SLC6A5: variants seen among roughly 807,000 people sequenced by gnomAD.
SLC6A5 encodes solute carrier family 6 member 5.
Under a neutral mutation model 90.5 loss-of-function variants are expected in SLC6A5, and 58 were observed. The observed-to-expected ratio is 0.64, with a 90% CI of 0.52 to 0.80. The LOEUF (loss-of-function observed/expected upper bound fraction) is 0.80. Ranked by LOEUF, SLC6A5 falls within the 30% of genes least tolerant of loss-of-function variation. The probability of loss-of-function intolerance (pLI) is 0.00; values close to 1 mark genes in which losing one functional copy is unlikely to be tolerated. For synonymous variants in SLC6A5, 427 were observed against 401.4 expected (o/e 1.06, Z -0.76); for missense variants, 1,015 against 1,017.6 (o/e 1.00, Z 0.03).
At position 20,628,098 on chromosome 11, in the gene SLC6A5, T is replaced by C. The variant is rs80286799; in HGVS notation, c.1499+15T>C. On this transcript the variant is annotated intron_variant, in intron 9 of 15. Transcript: ENST00000525748. ...AACTGCTACAGGTATGTAGAGGTAC[T>C]ACAAGATCTGGGCATAGCTGGTGAG... The C allele has an allele frequency of 0.13, 200,028 of 1,592,040 alleles. 13,950 individuals carry two copies. Among genetic ancestry groups the C allele is most frequent in the South Asian group, 0.16 (14,092 of 90,626 alleles).
At chr11:20,604,197 G>A (rs1351238441) in intron 2 of SLC6A5, 89 bp from the exon 3 acceptor site, 19 of 1,492,596 alleles carry the variant, frequency 1.3e-5, no homozygotes, top group Non-Finnish European at 1.6e-5. Flanking sequence ...TGCTTGCTGG[G>A]AAGGACCCCT....
rs1852535468 is a variant in SLC6A5 at position 20,604,343 on chromosome 11, T to A, written c.598T>A (p.Phe200Ile). 1.2e-6 allele frequency: 2 copies of A among 1,614,106 alleles called. No individual in the cohort carries two copies. Among genetic ancestry groups the A allele is most frequent in the Non-Finnish European group, 8.5e-7 (1 of 1,179,948 alleles). ...AGGGAACTGGTCCAGCAAACTGGAC[T>A]TCATCCTGTCCATGGTGGGGTACGC... ...ARGNWSSKLD[F>I]ILSMVGYAVG... The change falls in exon 3 of 16, where the codon TTC becomes ATC. Residue 200 changes from phenylalanine to isoleucine, a missense_variant. By Grantham distance (21) the Phe-to-Ile change is conservative. Coordinates refer to ENST00000525748, the MANE Select transcript of SLC6A5 (RefSeq NM_004211.5).
chr11:20,613,435 TGTA>T (rs1852729313), intron 5 of SLC6A5, among the ~76,000 whole-genome samples: 1 of 152,190 alleles, frequency 6.6e-6, no homozygotes, highest in Admixed American at 6.5e-5. Flanking sequence ...AGAGAGGCAT[TGTA>T]AAATGGTCAG....
At chr11:20,645,351 C>T (rs1853392403) in intron 13 of SLC6A5, among the ~76,000 whole-genome samples, 1 of 151,914 alleles carries the variant, frequency 6.6e-6, no homozygotes, top group Admixed American at 6.6e-5. Context: ...AGGTGGTGTC[C>T]AGGGAGATGA....
chr11:20,618,993 C>T (rs541795588), intron 7 of SLC6A5, among the ~76,000 whole-genome samples: 4 of 145,852 alleles, frequency 2.7e-5, no homozygotes, highest in South Asian at 4.4e-4. Flanking sequence ...GAAAAACCTA[C>T]TGAAGAGTTA....
At chr11:20,654,368 C>CT (rs142295454) in intron 15 of SLC6A5, among the ~76,000 whole-genome samples, 30,690 of 152,158 alleles carry the variant, frequency 0.2, 4,003 homozygotes, top group Non-Finnish European at 0.29. Context: ...AAGAGAGAAG[C>CT]TTGTGGATTC....
chr11:20,617,843 G>A lies in SLC6A5; in HGVS notation c.1219G>A (p.Val407Met), dbSNP rs1191773527. ...ALCLFLAWVIVYASLAKGIKT... is the reference protein window; with the variant it reads ...ALCLFLAWVIMYASLAKGIKT... Reference sequence around the variant, plus strand: ...CTGCCTCTTCCTGGCTTGGGTCATTGTGTATGCATCATTGGCTAAAGGAAT... The same window carrying A: ...CTGCCTCTTCCTGGCTTGGGTCATTATGTATGCATCATTGGCTAAAGGAAT... The change falls in exon 7 of 16, where the codon GTG becomes ATG. Residue 407 changes from valine to methionine, a missense_variant. Coordinates refer to ENST00000525748, the MANE Select transcript of SLC6A5 (RefSeq NM_004211.5). The A allele has an allele frequency of 6.2e-7, 1 of 1,614,054 alleles. No individual in the cohort carries two copies. Among genetic ancestry groups the A allele is most frequent in the Non-Finnish European group, 8.5e-7 (1 of 1,179,928 alleles).
At chr11:20,642,796 A>G (rs1220567473) in intron 13 of SLC6A5, among the ~76,000 whole-genome samples, 1 of 152,210 alleles carries the variant, frequency 6.6e-6, no homozygotes, top group East Asian at 1.9e-4. Context: ...GCTGGGAGTG[A>G]GGCAGAGGCT....
Position 20,652,401 on chromosome 11 carries a change from G to GT in SLC6A5, c.2183_2184insT (p.Trp728CysfsTer19). The GT allele has an allele frequency of 6.2e-7, 1 of 1,614,038 alleles. No homozygotes were observed. Among genetic ancestry groups the GT allele is most frequent in the East Asian group, 2.2e-5 (1 of 44,872 alleles). Reference sequence around the variant, plus strand: ...CTAATGCTCGCCTGTTCCGTCATCTGGATCCCAATTATGTTTGTGATAAAA... The same window carrying GT: ...CTAATGCTCGCCTGTTCCGTCATCTGTGATCCCAATTATGTTTGTGATAAAA... On this transcript the variant is annotated frameshift_variant, in exon 15 of 16. Transcript: ENST00000525748. LOFTEE classifies it high-confidence loss of function.
chr11:20,614,098 C>G (rs922169614), intron 5 of SLC6A5, among the ~76,000 whole-genome samples: 1 of 152,192 alleles, frequency 6.6e-6, no homozygotes, highest in African/African-American at 2.4e-5. Flanking sequence ...GTACACAGCA[C>G]GTGTATCCTA....
chr11:20,641,433 T>C (rs762022032), intron 13 of SLC6A5, among the ~76,000 whole-genome samples: 45 of 152,170 alleles, frequency 3.0e-4, no homozygotes, highest in Non-Finnish European at 2.4e-4. Flanking sequence ...TGATGGACTA[T>C]CTGTTTTCAG....
At chr11:20,638,856 A>C (rs573651442) in intron 13 of SLC6A5, among the ~76,000 whole-genome samples, 5 of 152,288 alleles carry the variant, frequency 3.3e-5, no homozygotes, top group Non-Finnish European at 5.9e-5. Context: ...ATGCTTTTGA[A>C]CAATGGCCAG....
At chr11:20,648,966 A>G (rs1853474025) in intron 14 of SLC6A5, among the ~76,000 whole-genome samples, 1 of 152,156 alleles carries the variant, frequency 6.6e-6, no homozygotes, top group African/African-American at 2.4e-5. Context: ...GCCCCAGGCC[A>G]CTAGATTTGG....
chr11:20,636,370 G>C lies in SLC6A5; in HGVS notation c.1688G>C (p.Trp563Ser). The change falls in exon 11 of 16, where the codon TGG becomes TCG. Residue 563 changes from tryptophan to serine, a missense_variant. Around this residue, in one of 3 missense-constraint regions of SLC6A5, gnomAD observed 442 missense variants for 494.3 expected, o/e 0.89. Transcript: ENST00000525748. ...ALTRLPLSPF[W>S]AIIFFLMLLT... Reference sequence around the variant, plus strand: ...ACCAGGCTGCCTCTCTCTCCGTTCTGGGCCATCATCTTTTTCCTGATGCTC... The same window carrying C: ...ACCAGGCTGCCTCTCTCTCCGTTCTCGGCCATCATCTTTTTCCTGATGCTC... The C allele has an allele frequency of 6.2e-7, 1 of 1,613,924 alleles. No individual in the cohort carries two copies. The highest frequency in any genetic ancestry group is 1.3e-5 in the African/African-American group (1 of 75,020).
intron 7 of SLC6A5, among the ~76,000 whole-genome samples, chr11:20,624,761 A>T (rs1291464549): frequency 1.3e-5 from 2 of 152,184 alleles, no homozygotes; most frequent in Non-Finnish European, 2.9e-5. Context: ...CAGCCTCTCA[A>T]GTGTCTTTTA....
At chr11:20,648,851 C>T (rs1179898199) in intron 14 of SLC6A5, among the ~76,000 whole-genome samples, 1 of 152,174 alleles carries the variant, frequency 6.6e-6, no homozygotes, top group African/African-American at 2.4e-5. Context: ...GAGGCAGGCA[C>T]TTCATAAGCA....
intron 7 of SLC6A5, among the ~76,000 whole-genome samples, chr11:20,618,319 G>A (rs1026499709): frequency 1.3e-5 from 2 of 152,132 alleles, no homozygotes; most frequent in African/African-American, 2.4e-5. Context: ...GATCAAAACT[G>A]TGTAGTAGAT....
At chr11:20,646,487 C>T (rs763669242) in intron 13 of SLC6A5, among the ~76,000 whole-genome samples, 9 of 152,202 alleles carry the variant, frequency 5.9e-5, no homozygotes, top group Non-Finnish European at 1.0e-4. Context: ...AGAGTTGTCA[C>T]TAAGCACCTC....
At position 20,655,202 on chromosome 11, in the gene SLC6A5, G is replaced by T. The variant is rs915013780; in HGVS notation, c.*334G>T. On this transcript the variant is annotated 3_prime_UTR_variant, in exon 16 of 16. Coordinates refer to ENST00000525748, the MANE Select transcript of SLC6A5 (RefSeq NM_004211.5). ...TTTTGTCAATAGAGAGGTATCCACT[G>T]TGTGATGGCATGGGGGGTGCCAGTA... 24 of 372,186 alleles carry T rather than the reference G, an allele frequency of 6.4e-5. 1 individual carries two copies. The Admixed American group carries it at 8.9e-4, about 14-fold the overall frequency. 23.1% of individuals were successfully genotyped at this position (372,186 alleles called of 1,614,324 possible). A position where few individuals can be genotyped will look rare whatever the true frequency, so the allele number is the denominator to read the frequency against.
Sources: gnomAD v4.1 joint callset for allele counts (sites outside exome capture counted in the v4.1 genomes callset) on GRCh38, gnomAD v4.1.1 for gene constraint, gnomAD v4.1.1 regional missense constraint, MANE v1.5 for transcripts, NCBI Gene and HGNC (gene_info 2026-07-23, HGNC 2026-07-21) for gene names.